Variants in MAL observed in about 807,000 individuals in gnomAD.
The protein encoded by MAL is myelin and lymphocyte protein.
Under a neutral mutation model 16.7 loss-of-function variants are expected in MAL, and 5 were observed. The observed-to-expected ratio is 0.30, with a 90% CI of 0.16 to 0.63. MAL has a LOEUF of 0.63. Among genes scored for constraint, MAL ranks in the 30% least tolerant of loss-of-function variants. MAL has a pLI of 0.82. For synonymous variants in MAL, 96 were observed against 85.5 expected (o/e 1.12, Z -0.67); for missense variants, 202 against 195.8 (o/e 1.03, Z -0.19).
At position 95,029,061 on chromosome 2, in the gene MAL, G is replaced by C. The variant is rs1027387654; in HGVS notation, c.93+3176G>C. On this transcript the variant is annotated intron_variant, in intron 1 of 3. Coordinates refer to ENST00000309988, the MANE Select transcript of MAL (RefSeq NM_002371.4). Reference sequence around the variant, plus strand: ...TGATGATATGTGAATTTCACCTCAAGTTTAAAAAACAAAAAATAGAAATAT... The same window carrying C: ...TGATGATATGTGAATTTCACCTCAACTTTAAAAAACAAAAAATAGAAATAT... 3.9e-5 allele frequency among the ~76,000 whole-genome samples: 6 copies of C among 152,336 alleles called. No individual in the cohort carries two copies. The South Asian group carries it at 1.0e-3, about 26-fold the overall frequency.
chr2:95,036,570 T>C (rs546151135), intron 1 of MAL, among the ~76,000 whole-genome samples: 1 of 152,386 alleles, frequency 6.6e-6, no homozygotes, highest in South Asian at 2.1e-4. Context: ...CCTGCCTTAG[T>C]GTTGACCATG....
At chr2:95,050,742 C>T (rs1362409137) in intron 3 of MAL, among the ~76,000 whole-genome samples, 1 of 152,188 alleles carries the variant, frequency 6.6e-6, no homozygotes, top group Non-Finnish European at 1.5e-5. Flanking sequence ...AATCGCTCCC[C>T]TAAAAAGGGC....
chr2:95,052,299 C>T (rs1674737037), intron 3 of MAL, among the ~76,000 whole-genome samples: 1 of 152,234 alleles, frequency 6.6e-6, no homozygotes, highest in Admixed American at 6.5e-5. Flanking sequence ...TGAGTCTCCA[C>T]TGCTCTTCCT....
At chr2:95,043,315 C>G (rs552169951) in intron 1 of MAL, among the ~76,000 whole-genome samples, 2 of 152,392 alleles carry the variant, frequency 1.3e-5, no homozygotes, top group East Asian at 3.9e-4. Context: ...CAGCCTCCTG[C>G]ATGAACGACA....
At chr2:95,029,200 T>C (rs1413635500) in intron 1 of MAL, among the ~76,000 whole-genome samples, 2 of 152,248 alleles carry the variant, frequency 1.3e-5, no homozygotes, top group Non-Finnish European at 1.5e-5. Context: ...ATTAAGGAAA[T>C]GAAGCTTTCA....
chr2:95,042,518 G>A (rs892594722), intron 1 of MAL, among the ~76,000 whole-genome samples: 3 of 152,116 alleles, frequency 2.0e-5, no homozygotes, highest in Admixed American at 6.5e-5. Context: ...CAAGGCCCTG[G>A]GACTCAGAGC....
chr2:95,038,592 G>T (rs1271831154), intron 1 of MAL, among the ~76,000 whole-genome samples: 6 of 150,876 alleles, frequency 4.0e-5, no homozygotes. Flanking sequence ...GAGTGACTGA[G>T]TGACTGAGTG....
chr2:95,051,571 C>G (rs892944233), intron 3 of MAL: 2 of 152,172 alleles, frequency 1.3e-5, no homozygotes, highest in Admixed American at 6.5e-5. Flanking sequence ...TGAGACTCAC[C>G]CAAGTGGCTG....
intron 1 of MAL, among the ~76,000 whole-genome samples, chr2:95,026,860 C>G (rs1673954837): frequency 6.6e-6 from 1 of 152,114 alleles, no homozygotes; most frequent in Admixed American, 6.5e-5. Flanking sequence ...ATGTCGGAGC[C>G]TGGCTGTTTA....
intron 1 of MAL, 34 bp from the exon 2 acceptor site, chr2:95,047,925 T>C: frequency 6.2e-7 from 1 of 1,603,466 alleles, no homozygotes; most frequent in Non-Finnish European, 8.5e-7. Flanking sequence ...GGCTCTCCTC[T>C]AGGCCAAAAC....
intron 3 of MAL, chr2:95,051,471 T>G (rs1674720128): frequency 6.6e-6 from 1 of 152,276 alleles, no homozygotes; most frequent in Admixed American, 6.5e-5. Flanking sequence ...TCTAGCACCA[T>G]GTTCAGTTTT....
intron 1 of MAL, among the ~76,000 whole-genome samples, chr2:95,033,514 G>A (rs528393498): frequency 8.6e-5 from 13 of 151,994 alleles, no homozygotes; most frequent in Non-Finnish European, 1.8e-4. Flanking sequence ...CCATGTTAAC[G>A]CGCCTGTAAT....
At chr2:95,039,303 A>AGTGG (rs1674374044) in intron 1 of MAL, among the ~76,000 whole-genome samples, 1 of 149,750 alleles carries the variant, frequency 6.7e-6, no homozygotes, top group East Asian at 2.0e-4. Context: ...TGAGTGACTG[A>AGTGG]GTGGGTGAGT....
chr2:95,029,251 T>C (rs1427846666), intron 1 of MAL, among the ~76,000 whole-genome samples: 1 of 152,196 alleles, frequency 6.6e-6, no homozygotes, highest in Non-Finnish European at 1.5e-5. Flanking sequence ...TGTTATCTTA[T>C]TCTCTCTCTC....
chr2:95,038,617 T>G (rs1311227463), intron 1 of MAL, among the ~76,000 whole-genome samples: 1 of 150,738 alleles, frequency 6.6e-6, no homozygotes, highest in Non-Finnish European at 1.5e-5. Context: ...AGTGACTGAG[T>G]GAGTGAGTGA....
rs147509029 is a variant in MAL at position 95,047,527 on chromosome 2, C to T, written c.94-432C>T. 7.4e-3 allele frequency among the ~76,000 whole-genome samples: 1,132 copies of T among 152,284 alleles called. 15 individuals carry two copies. Among genetic ancestry groups the T allele is most frequent in the African/African-American group, 0.026 (1,071 of 41,546 alleles). On this transcript the variant is annotated intron_variant, in intron 1 of 3. Transcript: ENST00000309988. ...CCTGAGGTCAGGAGTTCAAGACCAG[C>T]CTGGCCAACATGGTGAAACCCCGTC...
At chr2:95,034,289 C>A (rs1333801103) in intron 1 of MAL, among the ~76,000 whole-genome samples, 1 of 152,146 alleles carries the variant, frequency 6.6e-6, no homozygotes, top group African/African-American at 2.4e-5. Flanking sequence ...GTCAGTGTGT[C>A]CTCAGCTAAG....
At chr2:95,046,016 T>C (rs1674578507) in intron 1 of MAL, among the ~76,000 whole-genome samples, 1 of 152,222 alleles carries the variant, frequency 6.6e-6, no homozygotes, top group Non-Finnish European at 1.5e-5. Context: ...CGCTTTCTGG[T>C]CAGAGATGCC....
Position 95,025,789 on chromosome 2 carries a change from C to G in MAL, c.-4C>G. 6.5e-7 allele frequency: 1 copy of G among 1,540,286 alleles called. No homozygotes were observed. Among genetic ancestry groups the G allele is most frequent in the South Asian group, 1.2e-5 (1 of 81,604 alleles). On this transcript the variant is annotated 5_prime_UTR_variant, in exon 1 of 4. Transcript: ENST00000309988. The surrounding 1 kb of genome is among the most constrained non-coding windows in gnomAD (Gnocchi z 5.6). Reference sequence around the variant, plus strand: ...CGTCCCAAGGCCGACGCCAGCACGCCGTCATGGCCCCCGCAGCGGCGACGG... The same window carrying G: ...CGTCCCAAGGCCGACGCCAGCACGCGGTCATGGCCCCCGCAGCGGCGACGG...
Sources: allele counts gnomAD v4.1 joint callset (sites outside exome capture counted in the v4.1 genomes callset), GRCh38; gene constraint gnomAD v4.1.1; non-coding constraint Gnocchi (gnomAD v3.1); transcripts MANE v1.5; gene names NCBI Gene and HGNC (gene_info 2026-07-23, HGNC 2026-07-21).